HS3ST3A1: variants seen among roughly 807,000 people sequenced by gnomAD.
HS3ST3A1 encodes heparan sulfate glucosamine 3-O-sulfotransferase 3A1.
HS3ST3A1 carries 19 observed loss-of-function variants against 25.7 expected under a neutral mutation model. The ratio of observed to expected loss-of-function variants is 0.74; its 90% CI spans 0.52 to 1.08. HS3ST3A1 has a LOEUF of 1.08. HS3ST3A1 is among the 50% of genes least tolerant of loss of function. The pLI, the probability that HS3ST3A1 is intolerant of heterozygous loss-of-function variation, is 0.00. For missense variants in HS3ST3A1, 459 were observed against 594.3 expected (o/e 0.77, Z 2.37); for synonymous variants, 226 against 278.6 (o/e 0.81, Z 1.88).
chr17:13,535,815 T>TTCCACACA (rs1906755509), intron 1 of HS3ST3A1, among the ~76,000 whole-genome samples: 1 of 152,178 alleles, frequency 6.6e-6, no homozygotes, highest in Non-Finnish European at 1.5e-5. Flanking sequence ...AATGGCAAGT[T>TTCCACACA]GGTATCAAAT....
rs146405340 is a variant in HS3ST3A1 at position 13,497,055 on chromosome 17, T to C, written c.600-237A>G. ...TTTGTGATGATTAAATGAGTTAATA[T>C]ACCTCGACAGCTTAGAAAACTGCCT... On this transcript the variant is annotated intron_variant, in intron 1 of 1. Coordinates refer to ENST00000284110, the MANE Select transcript of HS3ST3A1 (RefSeq NM_006042.3). Among the ~76,000 whole-genome samples, 81 of 152,314 alleles carry C rather than the reference T, an allele frequency of 5.3e-4. 7 individuals carry two copies. In the East Asian group the frequency reaches 0.015, roughly 29 times the overall value.
At chr17:13,564,586 T>C (rs531888498) in intron 1 of HS3ST3A1, among the ~76,000 whole-genome samples, 2 of 152,246 alleles carry the variant, frequency 1.3e-5, no homozygotes, top group South Asian at 2.1e-4. Context: ...TTAGACCATA[T>C]TTTTTAGAAT....
chr17:13,496,468 C>A lies in HS3ST3A1; in HGVS notation c.950G>T (p.Ser317Ile), dbSNP rs1905272935. The A allele has an allele frequency of 7.1e-7, 1 of 1,399,008 alleles. No homozygotes were observed. Among genetic ancestry groups the A allele is most frequent in the African/African-American group, 1.5e-5 (1 of 67,280 alleles). 86.7% of individuals were successfully genotyped at this position (1,399,008 alleles called of 1,614,324 possible). A position where few individuals can be genotyped will look rare whatever the true frequency, so the allele number is the denominator to read the frequency against. ...GCGGCCCAGCTCCCCGGCCGGGTCG[C>A]TGATGAGCCGCTCGCCGCTCACGAA... Reference protein sequence around the residue: ...MLFVSGERLISDPAGELGRVQ... With the variant: ...MLFVSGERLIIDPAGELGRVQ... The change falls in exon 2 of 2, where the codon AGC becomes ATC. Residue 317 changes from serine (S) to isoleucine (I), a missense_variant. Coordinates refer to ENST00000284110, the MANE Select transcript of HS3ST3A1 (RefSeq NM_006042.3).
intron 1 of HS3ST3A1, among the ~76,000 whole-genome samples, chr17:13,507,231 T>C (rs968689412): frequency 6.6e-6 from 1 of 152,144 alleles, no homozygotes; most frequent in African/African-American, 2.4e-5. Context: ...GAATACATAC[T>C]GAGCATTTAC....
intron 1 of HS3ST3A1, among the ~76,000 whole-genome samples, chr17:13,565,166 A>G (rs559217204): frequency 1.8e-3 from 277 of 151,976 alleles, no homozygotes; most frequent in Non-Finnish European, 2.8e-3. Context: ...CAGTGGTTAC[A>G]TTTCAATTTT....
At chr17:13,592,356 C>T (rs538849347) in intron 1 of HS3ST3A1, among the ~76,000 whole-genome samples, 5 of 152,322 alleles carry the variant, frequency 3.3e-5, no homozygotes, top group South Asian at 2.1e-4. Flanking sequence ...CATCATCCAG[C>T]ACATAGTGTA....
intron 1 of HS3ST3A1, among the ~76,000 whole-genome samples, chr17:13,510,329 A>G (rs909427025): frequency 5.9e-5 from 9 of 152,236 alleles, no homozygotes; most frequent in African/African-American, 1.9e-4. Flanking sequence ...GTCTTTGCAT[A>G]TGTGCAGCTG....
chr17:13,537,857 G>A (rs995652339), intron 1 of HS3ST3A1, among the ~76,000 whole-genome samples: 5 of 152,156 alleles, frequency 3.3e-5, no homozygotes, highest in African/African-American at 9.7e-5. Flanking sequence ...GTTATTCCAA[G>A]GTAGTAAAAG....
At chr17:13,520,798 G>A (rs543617387) in intron 1 of HS3ST3A1, among the ~76,000 whole-genome samples, 2 of 152,134 alleles carry the variant, frequency 1.3e-5, no homozygotes, top group South Asian at 4.2e-4. Context: ...TTTTAGTAGA[G>A]ATGGAATTTC....
chr17:13,592,299 T>C (rs746024368), intron 1 of HS3ST3A1, among the ~76,000 whole-genome samples: 6 of 152,192 alleles, frequency 3.9e-5, no homozygotes, highest in Non-Finnish European at 8.8e-5. Context: ...TGCATAAAAA[T>C]ATAAATCCTA....
At position 13,601,566 on chromosome 17, in the gene HS3ST3A1, GT is replaced by G. The variant is rs1357837269; in HGVS notation, c.-438del. On this transcript the variant is annotated 5_prime_UTR_variant, in exon 1 of 2. Transcript: ENST00000284110. ...ATCCTGCATCACTGGCTCGGTCCCC[GT>G]GAGGGCACGCGCGGCTGCCGGGCCT... The G allele has an allele frequency of 6.2e-6, 1 of 162,294 alleles. No homozygotes were observed. The highest frequency in any genetic ancestry group is 2.4e-5 in the African/African-American group (1 of 41,958). 10.1% of individuals were successfully genotyped at this position (162,294 alleles called of 1,614,324 possible).
intron 1 of HS3ST3A1, among the ~76,000 whole-genome samples, chr17:13,514,250 G>T (rs1905981195): frequency 6.6e-6 from 1 of 150,846 alleles, no homozygotes; most frequent in South Asian, 2.1e-4. Context: ...ATTTATAGTG[G>T]TTTTTAAAAA....
chr17:13,600,782 C>G lies in HS3ST3A1; in HGVS notation c.348G>C (p.Glu116Asp). The G allele has an allele frequency of 3.4e-6, 5 of 1,451,250 alleles. No homozygotes were observed. The highest frequency in any genetic ancestry group is 4.5e-6 in the Non-Finnish European group (5 of 1,114,012). 89.9% of individuals were successfully genotyped at this position (1,451,250 alleles called of 1,614,324 possible). A position where few individuals can be genotyped will look rare whatever the true frequency, so the allele number is the denominator to read the frequency against. The change falls in exon 1 of 2, where the codon GAG becomes GAC. Residue 116 changes from glutamate to aspartate, a missense_variant. Glu to Asp is a conservative substitution (Grantham distance 45). Coordinates refer to ENST00000284110, the MANE Select transcript of HS3ST3A1 (RefSeq NM_006042.3). ...DDGEEAAWEE[E>D]SPGLSGGPGG... ...CCGGACCCCCTGACAGGCCAGGGGA[C>G]TCTTCTTCCCAGGCCGCCTCCTCGC...
At chr17:13,524,024 TTACA>T (rs1336479426) in intron 1 of HS3ST3A1, among the ~76,000 whole-genome samples, 10 of 152,210 alleles carry the variant, frequency 6.6e-5, no homozygotes, top group African/African-American at 1.9e-4. Flanking sequence ...CATTTGGCTC[TTACA>T]TACATGGTCT....
At chr17:13,564,149 A>G (rs939251201) in intron 1 of HS3ST3A1, among the ~76,000 whole-genome samples, 1 of 152,150 alleles carries the variant, frequency 6.6e-6, no homozygotes, top group African/African-American at 2.4e-5. Flanking sequence ...TGTGTTAATG[A>G]TATTTTTTCT....
At chr17:13,540,726 A>G (rs1404634340) in intron 1 of HS3ST3A1, among the ~76,000 whole-genome samples, 4 of 152,230 alleles carry the variant, frequency 2.6e-5, no homozygotes, top group Admixed American at 2.6e-4. Context: ...TCACTGTAGA[A>G]CAAGAGTCTC....
At chr17:13,544,297 A>T (rs1907021342) in intron 1 of HS3ST3A1, among the ~76,000 whole-genome samples, 1 of 152,226 alleles carries the variant, frequency 6.6e-6, no homozygotes, top group African/African-American at 2.4e-5. Flanking sequence ...AGCAACAAAA[A>T]GCCTTAGTGA....
At chr17:13,539,909 A>T (rs780276999) in intron 1 of HS3ST3A1, among the ~76,000 whole-genome samples, 1 of 152,176 alleles carries the variant, frequency 6.6e-6, no homozygotes, top group Non-Finnish European at 1.5e-5. Context: ...GTAAGATGAG[A>T]TTCCACCCAT....
intron 1 of HS3ST3A1, among the ~76,000 whole-genome samples, chr17:13,559,871 A>C (rs1907480830): frequency 6.6e-6 from 1 of 151,618 alleles, no homozygotes; most frequent in Non-Finnish European, 1.5e-5. Flanking sequence ...ATTAATATTT[A>C]TTTTTCAAGC....
Sources: gnomAD v4.1 joint callset for allele counts (sites outside exome capture counted in the v4.1 genomes callset) on GRCh38, gnomAD v4.1.1 for gene constraint, MANE v1.5 for transcripts, NCBI Gene and HGNC (gene_info 2026-07-23, HGNC 2026-07-21) for gene names.